The following SEPTIN14 variants were observed in gnomAD, a reference collection of about 807,000 sequenced individuals.
SEPTIN14 encodes septin-14.
SEPTIN14 carries 40 observed loss-of-function variants against 53.6 expected under a neutral mutation model. That is an observed-to-expected ratio of 0.75 (90% CI 0.58 to 0.97). The LOEUF is 0.97. Among genes scored for constraint, SEPTIN14 ranks in the 50% least tolerant of loss-of-function variants. The pLI is 0.00. For missense variants in SEPTIN14, 471 were observed against 508.2 expected (o/e 0.93, Z 0.70); for synonymous variants, 138 against 166.8 (o/e 0.83, Z 1.33).
chr7:55,858,574 G>A (rs1789688518), intron 2 of SEPTIN14, among the ~76,000 whole-genome samples: 1 of 152,206 alleles, frequency 6.6e-6, no homozygotes, highest in Non-Finnish European at 1.5e-5. Context: ...GGAGGCAGAG[G>A]CGAGCAGATC....
chr7:55,829,104 C>T (rs1789043245), intron 6 of SEPTIN14, among the ~76,000 whole-genome samples: 1 of 151,226 alleles, frequency 6.6e-6, no homozygotes, highest in Non-Finnish European at 1.5e-5. Context: ...CTAGGCCGGG[C>T]ACGGTGGCTC....
intron 2 of SEPTIN14, among the ~76,000 whole-genome samples, chr7:55,858,917 A>C (rs1230223033): frequency 6.6e-6 from 1 of 152,196 alleles, no homozygotes; most frequent in Non-Finnish European, 1.5e-5. Flanking sequence ...TGGTAAAAGA[A>C]AAGGCATGTC....
intron 4 of SEPTIN14, among the ~76,000 whole-genome samples, chr7:55,844,295 C>T (rs1214190811): frequency 6.6e-6 from 1 of 151,954 alleles, no homozygotes; most frequent in Non-Finnish European, 1.5e-5. Context: ...TAAGCTAAAA[C>T]TAATAGAAGC....
chr7:55,804,694 C>T (rs1238126950), intron 9 of SEPTIN14, among the ~76,000 whole-genome samples: 1 of 152,108 alleles, frequency 6.6e-6, no homozygotes, highest in Non-Finnish European at 1.5e-5. Context: ...TGTTCTTAAA[C>T]TAAAGCCACC....
chr7:55,811,690 G>A (rs1048136738), intron 7 of SEPTIN14, among the ~76,000 whole-genome samples: 1 of 150,996 alleles, frequency 6.6e-6, no homozygotes. Context: ...GTAGAGAAGG[G>A]GTTTCACCAT....
chr7:55,798,302 G>GC, intron 9 of SEPTIN14: 1 of 386,788 alleles, frequency 2.6e-6, no homozygotes, highest in Non-Finnish European at 4.3e-6. Context: ...ACCCTGGGCG[G>GC]CCCCCTGAAG....
At chr7:55,808,676 C>G (rs1400590826) in intron 7 of SEPTIN14, among the ~76,000 whole-genome samples, 1 of 152,146 alleles carries the variant, frequency 6.6e-6, no homozygotes. Flanking sequence ...CTCAGCCTCT[C>G]AAGTAGCTGG....
At position 55,819,221 on chromosome 7, in the gene SEPTIN14, C is replaced by T. The variant is rs372370181; in HGVS notation, c.723G>A (p.Gly241=). 32 of 1,555,410 alleles carry T rather than the reference C, an allele frequency of 2.1e-5. No individual in the cohort carries two copies. The highest frequency in any genetic ancestry group is 2.7e-5 in the African/African-American group (2 of 73,364). Residue 241 remains glycine, a splice_region_variant and synonymous_variant, in exon 7 of 10, where the codon GGG becomes GGA. Coordinates refer to ENST00000388975, the MANE Select transcript of SEPTIN14 (RefSeq NM_207366.3). ...TCCCTACCACAGCAAAGGGTAACAGCCCCTAGAAAACAAGAATGACATGAA... is the reference window on the plus strand; with the variant it reads ...TCCCTACCACAGCAAAGGGTAACAGTCCCTAGAAAACAAGAATGACATGAA... ...TAAQANSSVS[G]LLPFAVVGST... is the part of the protein sequence containing the mutation.
At chr7:55,810,854 G>A in intron 7 of SEPTIN14, 1 of 308,612 alleles carries the variant, frequency 3.2e-6, no homozygotes, top group Non-Finnish European at 6.5e-6. Flanking sequence ...AGTCAAACCT[G>A]GGTGTCAGGC....
chr7:55,847,283 T>G lies in SEPTIN14; in HGVS notation c.55-646A>C, dbSNP rs532440415. Reference sequence around the variant, plus strand: ...ACTCTAATGTATTACTGTAACATAATAAATTATTTCTTCCATAAGAAAAAA... The same window carrying G: ...ACTCTAATGTATTACTGTAACATAAGAAATTATTTCTTCCATAAGAAAAAA... On this transcript the variant is annotated intron_variant, in intron 2 of 9. Transcript: ENST00000388975. Among the ~76,000 whole-genome samples the G allele has an allele frequency of 1.2e-4, 19 of 152,184 alleles. No individual in the cohort carries two copies. In the East Asian group the frequency reaches 3.5e-3, roughly 28 times the overall value.
chr7:55,850,824 AC>A (rs1362592610), intron 2 of SEPTIN14: 1 of 152,064 alleles, frequency 6.6e-6, no homozygotes, highest in Non-Finnish European at 1.5e-5. Context: ...TAATCGCAGC[AC>A]TTTGGGAGGT....
At chr7:55,818,068 T>C (rs1428373001) in intron 7 of SEPTIN14, among the ~76,000 whole-genome samples, 1 of 152,228 alleles carries the variant, frequency 6.6e-6, no homozygotes, top group African/African-American at 2.4e-5. Context: ...AGTATAGATA[T>C]ATATTTTATA....
chr7:55,856,391 A>G (rs1584275711), intron 2 of SEPTIN14, among the ~76,000 whole-genome samples: 1 of 149,666 alleles, frequency 6.7e-6, no homozygotes, highest in African/African-American at 2.5e-5. Flanking sequence ...TATATGTACC[A>G]CTTTTTCGTT....
chr7:55,855,024 T>C (rs76730923), intron 2 of SEPTIN14, among the ~76,000 whole-genome samples: 3 of 151,392 alleles, frequency 2.0e-5, no homozygotes, highest in Non-Finnish European at 4.4e-5. Flanking sequence ...TTTTTTTTTT[T>C]TTGAGACAGA....
Position 55,844,716 on chromosome 7 carries a change from C to G in SEPTIN14, c.178G>C (p.Glu60Gln). ...GFTFNILCVGETGIGKSTLID... is the reference protein window; with the variant it reads ...GFTFNILCVGQTGIGKSTLID... ...AGTGTCGATTTTCCAATTCCAGTCTCCCCTGTAATAGACATAGAGTCATTG... is the reference window on the plus strand; with the variant it reads ...AGTGTCGATTTTCCAATTCCAGTCTGCCCTGTAATAGACATAGAGTCATTG... Residue 60 changes from glutamate to glutamine, a missense_variant and splice_region_variant, in exon 4 of 10, where the codon GAG becomes CAG. Glu to Gln is a conservative substitution (Grantham distance 29). Transcript: ENST00000388975. The G allele has an allele frequency of 6.4e-7, 1 of 1,555,444 alleles. No individual in the cohort carries two copies. Among genetic ancestry groups the G allele is most frequent in the East Asian group, 2.3e-5 (1 of 44,168 alleles).
intron 5 of SEPTIN14, among the ~76,000 whole-genome samples, chr7:55,842,298 A>G (rs1327290267): frequency 6.6e-6 from 1 of 152,100 alleles, no homozygotes; most frequent in African/African-American, 2.4e-5. Flanking sequence ...TTATCTCAAA[A>G]TTAATATTAC....
intron 6 of SEPTIN14, among the ~76,000 whole-genome samples, chr7:55,829,568 A>G (rs1301554527): frequency 6.6e-6 from 1 of 152,096 alleles, no homozygotes; most frequent in Admixed American, 6.6e-5. Context: ...CATACAAACT[A>G]GAAAACCTAG....
chr7:55,842,740 A>G (rs970326065), intron 5 of SEPTIN14, among the ~76,000 whole-genome samples: 24 of 151,942 alleles, frequency 1.6e-4, no homozygotes, highest in Non-Finnish European at 2.2e-4. Context: ...GTGAAACCCC[A>G]TCTCTACTAA....
intron 5 of SEPTIN14, among the ~76,000 whole-genome samples, chr7:55,834,951 T>C (rs953319572): frequency 6.6e-6 from 1 of 152,056 alleles, no homozygotes; most frequent in African/African-American, 2.4e-5. Flanking sequence ...AGCCATCCTA[T>C]AGTTTTTATA....
Sources: gnomAD v4.1 joint callset for allele counts (sites outside exome capture counted in the v4.1 genomes callset) on GRCh38, gnomAD v4.1.1 for gene constraint, MANE v1.5 for transcripts, NCBI Gene and HGNC (gene_info 2026-07-23, HGNC 2026-07-21) for gene names.